Variants in INTS4 observed in about 807,000 individuals in gnomAD.
The protein encoded by INTS4 is MSTP093.
INTS4 carries 70 observed loss-of-function variants against 119.5 expected under a neutral mutation model. The observed-to-expected ratio is 0.59, with a 90% CI of 0.48 to 0.71. The LOEUF is 0.71. Among genes scored for constraint, INTS4 ranks in the 30% least tolerant of loss-of-function variants. The probability of loss-of-function intolerance (pLI) is 0.00; values close to 1 mark genes in which losing one functional copy is unlikely to be tolerated. For synonymous variants in INTS4, 316 were observed against 419.6 expected, an observed-to-expected ratio of 0.75 and a Z score of 3.02; for missense variants, 867 against 1,173.2, an observed-to-expected ratio of 0.74 and a Z score of 3.81.
chr11:77,991,065 A>T, intron 2 of INTS4, 43 bp downstream of exon 2: 1 of 1,524,946 alleles, frequency 6.6e-7, no homozygotes, highest in Non-Finnish European at 9.1e-7. Flanking sequence ...ACATGATACA[A>T]CTCCCATGAT....
intron 1 of INTS4, 98 bp from the exon 2 acceptor site, chr11:77,991,397 A>G: frequency 1.1e-6 from 1 of 949,058 alleles, no homozygotes; most frequent in Non-Finnish European, 1.6e-6. Context: ...TAATATATTT[A>G]GCTGATGGAC....
chr11:77,969,975 T>C (rs1855656355), intron 4 of INTS4, among the ~76,000 whole-genome samples: 1 of 152,192 alleles, frequency 6.6e-6, no homozygotes, highest in South Asian at 2.1e-4. Context: ...AACGAAGCTG[T>C]AGAGTGTATT....
intron 15 of INTS4, chr11:77,910,854 TGTGA>T: frequency 5.0e-6 from 2 of 402,668 alleles, no homozygotes; most frequent in East Asian, 7.7e-5. Context: ...AGGGGAGGAA[TGTGA>T]GTGTGTGTGT....
chr11:77,937,817 GTATTTATTTAT>G (rs1382466700), intron 10 of INTS4, among the ~76,000 whole-genome samples: 2 of 146,514 alleles, frequency 1.4e-5, no homozygotes, highest in African/African-American at 2.5e-5. Flanking sequence ...ATATCTTTCT[GTATTTATTTAT>G]TTATTTATTT....
At chr11:77,972,047 C>A (rs1855754508) in intron 4 of INTS4, among the ~76,000 whole-genome samples, 1 of 152,138 alleles carries the variant, frequency 6.6e-6, no homozygotes, top group Admixed American at 6.6e-5. Flanking sequence ...ATGGTACTGG[C>A]ATCCATATAG....
chr11:77,974,492 C>G (rs1855869335), intron 4 of INTS4, among the ~76,000 whole-genome samples: 1 of 151,976 alleles, frequency 6.6e-6, no homozygotes, highest in Admixed American at 6.6e-5. Context: ...CTGCCCACCT[C>G]AGCCTCCCAA....
Position 77,924,050 on chromosome 11 carries a change from C to G in INTS4, c.1514+700G>C, listed in dbSNP as rs371802397. 1.9e-3 allele frequency among the ~76,000 whole-genome samples: 278 copies of G among 149,368 alleles called. 1 individual carries two copies. The highest frequency in any genetic ancestry group is 6.5e-3 in the African/African-American group (267 of 40,882). ...AAAGTGCTGGGATTATAGGCGTGAG[C>G]CACTGCACCCAGCCAATTTAGTGCA... On this transcript the variant is annotated intron_variant, in intron 12 of 22. Coordinates refer to ENST00000534064, the MANE Select transcript of INTS4 (RefSeq NM_033547.4).
At chr11:77,881,284 T>C (rs1951782536) in intron 22 of INTS4, among the ~76,000 whole-genome samples, 1 of 152,190 alleles carries the variant, frequency 6.6e-6, no homozygotes, top group Non-Finnish European at 1.5e-5. Context: ...TGAAACATGG[T>C]CTATGACTGA....
chr11:77,889,410 G>A (rs201173895), intron 21 of INTS4, among the ~76,000 whole-genome samples: 1 of 147,340 alleles, frequency 6.8e-6, no homozygotes, highest in Admixed American at 6.8e-5. Context: ...GTAGGGGGAG[G>A]GGGGAGGGAT....
chr11:77,940,673 G>C (rs1344508029), intron 9 of INTS4, among the ~76,000 whole-genome samples: 3 of 152,120 alleles, frequency 2.0e-5, no homozygotes, highest in Non-Finnish European at 4.4e-5. Context: ...GTCCCACTCT[G>C]TTGCCTAGGC....
intron 18 of INTS4, among the ~76,000 whole-genome samples, chr11:77,897,468 A>G (rs1172645951): frequency 6.6e-6 from 1 of 151,720 alleles, no homozygotes; most frequent in Non-Finnish European, 1.5e-5. Flanking sequence ...TTATAAAAAC[A>G]TAATCAGCTG....
chr11:77,959,927 CTT>C (rs1291055471), intron 6 of INTS4, among the ~76,000 whole-genome samples: 1 of 151,322 alleles, frequency 6.6e-6, no homozygotes, highest in African/African-American at 2.4e-5. Context: ...ATGCATGTGA[CTT>C]TTTTTTTATA....
chr11:77,923,282 A>G (rs548439990), intron 12 of INTS4, among the ~76,000 whole-genome samples: 2 of 135,690 alleles, frequency 1.5e-5, no homozygotes, highest in Non-Finnish European at 3.0e-5. Context: ...ATGCCAATGC[A>G]CTCCACCCTG....
intron 8 of INTS4, among the ~76,000 whole-genome samples, chr11:77,950,587 T>C (rs1161340466): frequency 2.0e-5 from 3 of 152,158 alleles, no homozygotes; most frequent in South Asian, 2.1e-4. Flanking sequence ...AGAGAGGCTG[T>C]TGAAAGTTCA....
At chr11:77,956,727 A>AAC (rs1491193558) in intron 7 of INTS4, among the ~76,000 whole-genome samples, 114 of 14,362 alleles carry the variant, frequency 7.9e-3, no homozygotes, top group Middle Eastern at 0.022. Context: ...AATAATAATA[A>AAC]TAATAATAAT....
chr11:77,941,517 G>A (rs1953929875), intron 8 of INTS4, among the ~76,000 whole-genome samples: 1 of 149,526 alleles, frequency 6.7e-6, no homozygotes, highest in East Asian at 2.0e-4. Context: ...AGGCTGGAGT[G>A]CAGTGGCATG....
At chr11:77,875,384 G>A (rs943181213), downstream of INTS4, among the ~76,000 whole-genome samples, 1 of 152,194 alleles carries the variant, frequency 6.6e-6, no homozygotes, top group African/African-American at 2.4e-5. Context: ...TGTTTTGTTT[G>A]TCTCAGTAAT....
intron 3 of INTS4, among the ~76,000 whole-genome samples, chr11:77,981,190 C>CAAAAAAAAAAAAAAAAAAG (rs1856199214): frequency 3.4e-5 from 3 of 88,862 alleles, no homozygotes; most frequent in Non-Finnish European, 4.5e-5. Flanking sequence ...AACAAACAAG[C>CAAAAAAAAAAAAAAAAAAG]AAAAAAAAAA....
intron 19 of INTS4, among the ~76,000 whole-genome samples, chr11:77,893,123 G>C (rs55634269): frequency 6.6e-5 from 10 of 152,104 alleles, no homozygotes; most frequent in Non-Finnish European, 1.5e-4. Context: ...GTATTATTCT[G>C]CCAGCATACC....
Sources: gnomAD v4.1 joint callset for allele counts (sites outside exome capture counted in the v4.1 genomes callset) on GRCh38, gnomAD v4.1.1 for gene constraint, MANE v1.5 for transcripts, NCBI Gene and HGNC (gene_info 2026-07-23, HGNC 2026-07-21) for gene names.